Variants in RYR2 observed in about 807,000 individuals in gnomAD.
RYR2 encodes the protein ryanodine receptor 2.
A neutral mutation model predicts 601.1 loss-of-function variants in RYR2; 227 were observed. The observed-to-expected ratio is 0.38, with a 90% CI of 0.34 to 0.42. RYR2 has a LOEUF of 0.42. Ranked by LOEUF, RYR2 falls within the 10% of genes least tolerant of loss-of-function variation. RYR2 has a pLI of 1.00. For synonymous variants in RYR2, 2,223 were observed against 2,175.1 expected (o/e 1.02, Z -0.61); for missense variants, 4,646 against 6,156.5 (o/e 0.75, Z 8.21).
intron 56 of RYR2, among the ~76,000 whole-genome samples, chr1:237,664,813 G>C (rs576434540): frequency 1.3e-5 from 2 of 152,168 alleles, no homozygotes; most frequent in Admixed American, 1.3e-4. Flanking sequence ...AAGACCATAG[G>C]AGTGCTGGGG....
At chr1:237,633,480 C>A in intron 42 of RYR2, 98 bp from the exon 43 acceptor site, 2 of 1,426,748 alleles carry the variant, frequency 1.4e-6, no homozygotes, top group Non-Finnish European at 9.7e-7. Context: ...CACACATGGA[C>A]ACACGGGGAT....
chr1:237,281,768 G>A (rs1690900367), intron 2 of RYR2, among the ~76,000 whole-genome samples: 1 of 152,204 alleles, frequency 6.6e-6, no homozygotes, highest in South Asian at 2.1e-4. Flanking sequence ...TTGCAAACAG[G>A]AACAGCACTG....
chr1:237,318,337 A>G (rs1390971690), intron 2 of RYR2, among the ~76,000 whole-genome samples: 1 of 152,174 alleles, frequency 6.6e-6, no homozygotes, highest in Non-Finnish European at 1.5e-5. Flanking sequence ...AGATACTATT[A>G]TAACTATTTA....
At chr1:237,608,633 A>T (rs1235221118) in intron 35 of RYR2, among the ~76,000 whole-genome samples, 2 of 152,032 alleles carry the variant, frequency 1.3e-5, no homozygotes, top group Non-Finnish European at 1.5e-5. Flanking sequence ...GAGTGCAGAC[A>T]TGGAGGCTGC....
intron 1 of RYR2, among the ~76,000 whole-genome samples, chr1:237,144,800 T>G (rs1673803865): frequency 6.6e-6 from 1 of 152,220 alleles, no homozygotes; most frequent in South Asian, 2.1e-4. Flanking sequence ...CAATAATAGA[T>G]GTAACATATA....
intron 10 of RYR2, among the ~76,000 whole-genome samples, chr1:237,389,048 G>A (rs575102369): frequency 6.6e-6 from 1 of 152,172 alleles, no homozygotes; most frequent in African/African-American, 2.4e-5. Context: ...CTGGGTACTG[G>A]GTCTTAACCT....
At chr1:237,489,629 C>G (rs1197773263) in intron 17 of RYR2, among the ~76,000 whole-genome samples, 1 of 152,078 alleles carries the variant, frequency 6.6e-6, no homozygotes, top group Non-Finnish European at 1.5e-5. Flanking sequence ...TGCATTCCAG[C>G]CTGGGTAACA....
intron 16 of RYR2, among the ~76,000 whole-genome samples, chr1:237,464,620 A>G (rs182103453): frequency 3.9e-5 from 6 of 152,306 alleles, no homozygotes; most frequent in Admixed American, 3.3e-4. Context: ...CCTTATCAAG[A>G]TATTTCCCCC....
At chr1:237,537,459 G>A (rs1049710275) in intron 25 of RYR2, among the ~76,000 whole-genome samples, 2 of 152,116 alleles carry the variant, frequency 1.3e-5, no homozygotes, top group East Asian at 1.9e-4. Context: ...TAGTACAGGC[G>A]CCCGCCACCA....
At chr1:237,101,317 A>C (rs1558234188) in intron 1 of RYR2, among the ~76,000 whole-genome samples, 1 of 142,916 alleles carries the variant, frequency 7.0e-6, no homozygotes, top group African/African-American at 2.6e-5. Flanking sequence ...AAAAAAAAAA[A>C]AAAAAAACCT....
In RYR2 at chr1:237,759,861, T is replaced by A; in HGVS notation, c.11402+9T>A. The A allele has an allele frequency of 6.3e-7, 1 of 1,583,920 alleles. No individual in the cohort carries two copies. Among genetic ancestry groups the A allele is most frequent in the South Asian group, 1.1e-5 (1 of 88,480 alleles). On this transcript the variant is annotated intron_variant, in intron 83 of 104. Transcript: ENST00000366574. ...CTGATGCAGTCATGTAGGTAAGGAC[T>A]CACTTCCTTCTTGGGGGTTCTACTC...
In RYR2 at chr1:237,501,981, A is replaced by AGTTTTGTTTT. The variant is rs755461905; in HGVS notation, c.2396+1093_2396+1102dup. Among the ~76,000 whole-genome samples, 1,477 of 152,106 alleles carry AGTTTTGTTTT rather than the reference A, an allele frequency of 9.7e-3. 24 individuals carry two copies. The highest frequency in any genetic ancestry group is 0.032 in the African/African-American group (1,313 of 41,464). ...CACAGTGAGACCCTATCTCTGCAAA[A>AGTTTTGTTTT]GTTTTGTTTTGTTTTGTTTTGTTTC... On this transcript the variant is annotated intron_variant, in intron 21 of 104. Coordinates refer to ENST00000366574, the MANE Select transcript of RYR2 (RefSeq NM_001035.3).
At position 237,465,710 on chromosome 1, in the gene RYR2, G is replaced by A. The variant is rs73108488; in HGVS notation, c.1613-3382G>A. 1.4e-3 allele frequency among the ~76,000 whole-genome samples: 211 copies of A among 152,182 alleles called. 1 individual carries two copies. The highest frequency in any genetic ancestry group is 4.6e-3 in the African/African-American group (191 of 41,518). On this transcript the variant is annotated intron_variant, in intron 16 of 104. Coordinates refer to ENST00000366574, the MANE Select transcript of RYR2 (RefSeq NM_001035.3). ...CGCTATACTGGATGGCCTACTGCGC[G>A]TCTACGCTATACGGGATGGCCTACT...
In RYR2 at chr1:237,662,262, CT is replaced by C. The variant is rs1046156952; in HGVS notation, c.8436+1316del. The stretch of plus-strand genomic sequence containing the variant: ...AAGTGTATTTTATCTATTTTTTTGT[CT>C]GTGTACTTTTCTAAGTAGATTAGCT... On this transcript the variant is annotated intron_variant, in intron 56 of 104. Transcript: ENST00000366574. 4.0e-5 allele frequency among the ~76,000 whole-genome samples: 6 copies of C among 151,708 alleles called. No individual in the cohort carries two copies. In the East Asian group the frequency reaches 9.7e-4, roughly 25 times the overall value.
At chr1:237,422,202 T>G (rs1174233028) in intron 11 of RYR2, among the ~76,000 whole-genome samples, 1 of 152,172 alleles carries the variant, frequency 6.6e-6, no homozygotes, top group Non-Finnish European at 1.5e-5. Context: ...TGTATTTTGA[T>G]TTTTCTATTT....
rs185427885 is a variant in RYR2 at position 237,113,934 on chromosome 1, G to A, written c.48+71365G>A. Among the ~76,000 whole-genome samples the A allele has an allele frequency of 2.3e-3, 345 of 152,310 alleles. 1 individual carries two copies. Among genetic ancestry groups the A allele is most frequent in the South Asian group, 8.5e-3 (41 of 4,820 alleles). On this transcript the variant is annotated intron_variant, in intron 1 of 104. Transcript: ENST00000366574. The stretch of plus-strand genomic sequence containing the variant: ...TCAGCACGGACCCTGCTTAGACTCC[G>A]GCAGAACAGGTGGTCTTGACATGAC...
intron 1 of RYR2, among the ~76,000 whole-genome samples, chr1:237,193,669 T>G (rs1027472217): frequency 4.6e-5 from 7 of 152,236 alleles, no homozygotes; most frequent in African/African-American, 1.7e-4. Context: ...CAGATGTATT[T>G]GGATTTCTTT....
rs770501445 is a variant in RYR2 at position 237,623,792 on chromosome 1, G to C, written c.5944G>C (p.Asp1982His). The change falls in exon 39 of 105, where the codon GAC becomes CAC. Residue 1982 changes from aspartate (D) to histidine (H), a missense_variant. Physicochemically the swap from Asp to His is moderately conservative, Grantham distance 81. Transcript: ENST00000366574. ...QINMLLNFKDDKSECPCPEEI... is the reference protein window; with the variant it reads ...QINMLLNFKDHKSECPCPEEI... ...CAATATGCTTCTCAATTTTAAGGATGACAAAAGTGAATGTCCATGTCCAGA... is the reference window on the plus strand; with the variant it reads ...CAATATGCTTCTCAATTTTAAGGATCACAAAAGTGAATGTCCATGTCCAGA... The C allele has an allele frequency of 6.2e-7, 1 of 1,612,130 alleles. No individual in the cohort carries two copies. The highest frequency in any genetic ancestry group is 1.7e-5 in the Admixed American group (1 of 59,946).
intron 17 of RYR2, among the ~76,000 whole-genome samples, chr1:237,484,368 G>C (rs557961456): frequency 1.3e-3 from 194 of 152,222 alleles, no homozygotes; most frequent in African/African-American, 4.5e-3. Context: ...AGTACCATGG[G>C]GGGTGGGGCA....
Sources: allele counts gnomAD v4.1 joint callset (sites outside exome capture counted in the v4.1 genomes callset), GRCh38; gene constraint gnomAD v4.1.1; transcripts MANE v1.5; gene names NCBI Gene and HGNC (gene_info 2026-07-23, HGNC 2026-07-21).